B3GALT1: variants seen among roughly 807,000 people sequenced by gnomAD.
The protein encoded by B3GALT1 is beta-1,3-galactosyltransferase 1, also known as UDP-Gal:betaGlcNAc beta 1,3-galactosyltransferase, polypeptide 1.
Under a neutral mutation model 23.2 loss-of-function variants are expected in B3GALT1, and 10 were observed. The observed-to-expected ratio is 0.43, with a 90% CI of 0.27 to 0.73. The LOEUF (loss-of-function observed/expected upper bound fraction) is 0.73, where lower values mean the gene tolerates loss of function less well. B3GALT1 is among the 30% of genes least tolerant of loss of function. The probability of loss-of-function intolerance (pLI) is 0.21; values close to 1 mark genes in which losing one functional copy is unlikely to be tolerated. For synonymous variants in B3GALT1, 156 were observed against 141.5 expected, an observed-to-expected ratio of 1.10 and a Z score of -0.73; for missense variants, 299 against 405.4, an observed-to-expected ratio of 0.74 and a Z score of 2.25.
intron 1 of B3GALT1, among the ~76,000 whole-genome samples, chr2:167,378,550 TG>T (rs1271571750): frequency 3.9e-5 from 6 of 152,132 alleles, no homozygotes; most frequent in African/African-American, 1.4e-4. Flanking sequence ...TTTGTCTGAC[TG>T]GGTTTATTCA....
At chr2:167,639,401 C>T (rs1223032616) in intron 2 of B3GALT1, among the ~76,000 whole-genome samples, 2 of 151,918 alleles carry the variant, frequency 1.3e-5, no homozygotes, top group East Asian at 3.9e-4. Flanking sequence ...AATGTTGAAG[C>T]TTACAGAAGT....
chr2:167,489,784 G>A (rs766569707), intron 1 of B3GALT1, among the ~76,000 whole-genome samples: 6 of 152,156 alleles, frequency 3.9e-5, no homozygotes, highest in Non-Finnish European at 8.8e-5. Flanking sequence ...CCACAGACAA[G>A]ACTGTTTAGA....
chr2:167,552,044 C>G (rs1386871535), intron 2 of B3GALT1, among the ~76,000 whole-genome samples: 1 of 152,146 alleles, frequency 6.6e-6, no homozygotes, highest in Non-Finnish European at 1.5e-5. Context: ...TTTCTTAGAG[C>G]TTTATTCTCA....
Position 167,783,752 on chromosome 2 carries a change from T to TA in B3GALT1, c.-351-34918dup, listed in dbSNP as rs565435987. ...CAAAGAGACAGTGTGCCCCTCTAGC[T>TA]AATCTCGGTTTCAAATGCCAAGTCC... On this transcript the variant is annotated intron_variant, in intron 3 of 4. Transcript: ENST00000392690. Among the ~76,000 whole-genome samples, 33 of 152,260 alleles carry TA rather than the reference T, an allele frequency of 2.2e-4. No individual in the cohort carries two copies. The South Asian group carries it at 6.8e-3, about 32-fold the overall frequency.
intron 2 of B3GALT1, among the ~76,000 whole-genome samples, chr2:167,573,709 A>G (rs1027309887): frequency 4.0e-5 from 6 of 151,696 alleles, no homozygotes; most frequent in Non-Finnish European, 5.9e-5. Flanking sequence ...TTTTCACTTA[A>G]TGTATAGATT....
At chr2:167,440,646 T>G (rs1260366560) in intron 1 of B3GALT1, among the ~76,000 whole-genome samples, 1 of 151,888 alleles carries the variant, frequency 6.6e-6, no homozygotes, top group East Asian at 1.9e-4. Flanking sequence ...TGTCCAAGTG[T>G]TTTTTTTAAT....
chr2:167,347,761 T>C (rs983310803), intron 1 of B3GALT1, among the ~76,000 whole-genome samples: 2 of 152,156 alleles, frequency 1.3e-5, no homozygotes, highest in Non-Finnish European at 2.9e-5. Flanking sequence ...TTGCTTTTCC[T>C]TATGGAAATT....
chr2:167,379,970 A>G (rs980462699), intron 1 of B3GALT1, among the ~76,000 whole-genome samples: 1 of 152,204 alleles, frequency 6.6e-6, no homozygotes, highest in African/African-American at 2.4e-5. Flanking sequence ...CTGCTTAGGA[A>G]GAGTGTGGTG....
chr2:167,452,507 C>T (rs898872936), intron 1 of B3GALT1, among the ~76,000 whole-genome samples: 14 of 152,296 alleles, frequency 9.2e-5, no homozygotes, highest in Middle Eastern at 3.4e-3. Flanking sequence ...GACAGATGAT[C>T]CCTTTTTCAC....
chr2:167,436,721 G>A (rs573682453), intron 1 of B3GALT1, among the ~76,000 whole-genome samples: 1 of 151,986 alleles, frequency 6.6e-6, no homozygotes, highest in Admixed American at 6.6e-5. Context: ...ACAAGATACG[G>A]TGTGGGCTTC....
intron 2 of B3GALT1, among the ~76,000 whole-genome samples, chr2:167,549,546 A>G (rs1285680911): frequency 1.3e-5 from 2 of 152,166 alleles, no homozygotes; most frequent in African/African-American, 2.4e-5. Flanking sequence ...CCTATGTTCA[A>G]TTCTTACCTA....
At chr2:167,553,462 C>G (rs1178961752) in intron 2 of B3GALT1, among the ~76,000 whole-genome samples, 1 of 151,974 alleles carries the variant, frequency 6.6e-6, no homozygotes, top group African/African-American at 2.4e-5. Context: ...TGGCAGATCT[C>G]GATTTATGGG....
Position 167,871,878 on chromosome 2 carries a change from T to TTTTA in B3GALT1, c.*1867_*1870dup, listed in dbSNP as rs1334646968. 6.6e-6 allele frequency: 1 copy of TTTTA among 151,014 alleles called. No homozygotes were observed. Among genetic ancestry groups the TTTTA allele is most frequent in the East Asian group, 1.9e-4 (1 of 5,162 alleles). The allele number at this position is 151,014 out of a possible 1,614,324, so 9.4% of individuals were successfully genotyped here. ...CCCCACAGCTGAAAGAGTGTACCTT[T>TTTTA]TTTATTTATTTACTTTTTTTTTTTT... On this transcript the variant is annotated 3_prime_UTR_variant, in exon 5 of 5. Coordinates refer to ENST00000392690, the MANE Select transcript of B3GALT1 (RefSeq NM_020981.4).
chr2:167,588,550 A>T (rs1684617974), intron 2 of B3GALT1, among the ~76,000 whole-genome samples: 1 of 151,972 alleles, frequency 6.6e-6, no homozygotes, highest in Admixed American at 6.6e-5. Flanking sequence ...AACAATGGTT[A>T]TTATTTTTCT....
intron 2 of B3GALT1, among the ~76,000 whole-genome samples, chr2:167,536,331 G>A (rs545843062): frequency 7.3e-4 from 111 of 152,108 alleles, no homozygotes; most frequent in African/African-American, 2.6e-3. Context: ...AGGGAGGGAG[G>A]GAAGAGGGAA....
In B3GALT1 at chr2:167,394,838, G is replaced by C. The variant is rs113667452; in HGVS notation, c.-510-95339G>C. ...GTCCAGTTGGAAGTGAAATTACTTA[G>C]AGCCAGGGATTCCTTTTTTCTTTCT... On this transcript the variant is annotated intron_variant, in intron 1 of 4. Transcript: ENST00000392690. 6.0e-3 allele frequency among the ~76,000 whole-genome samples: 915 copies of C among 152,244 alleles called. 9 individuals are homozygous for C. Among genetic ancestry groups the C allele is most frequent in the African/African-American group, 0.021 (875 of 41,560 alleles).
intron 1 of B3GALT1, among the ~76,000 whole-genome samples, chr2:167,466,617 CAAA>C (rs1175269957): frequency 7.6e-5 from 4 of 52,404 alleles, no homozygotes; most frequent in Admixed American, 4.5e-4. Context: ...AAGACTCTGT[CAAA>C]AAAAAAAAAA....
chr2:167,679,684 A>G (rs1352636795), intron 3 of B3GALT1, among the ~76,000 whole-genome samples: 1 of 152,222 alleles, frequency 6.6e-6, no homozygotes, highest in Non-Finnish European at 1.5e-5. Flanking sequence ...TCTTTTACTA[A>G]CTGAATGACA....
rs1000976597 is a variant in B3GALT1, at chr2:167,434,978, C to T, written c.-510-55199C>T. On this transcript the variant is annotated intron_variant, in intron 1 of 4. Coordinates refer to ENST00000392690, the MANE Select transcript of B3GALT1 (RefSeq NM_020981.4). ...AGTTTTAAAATTATAATGTAACTTA[C>T]AAAGTAGAATGAAAATACTGGGGCT... Among the ~76,000 whole-genome samples, 3 of 151,854 alleles carry T rather than the reference C, an allele frequency of 2.0e-5. No homozygotes were observed. In the East Asian group the frequency reaches 5.8e-4, roughly 29 times the overall value.
Sources: allele counts gnomAD v4.1 joint callset (sites outside exome capture counted in the v4.1 genomes callset), GRCh38; gene constraint gnomAD v4.1.1; transcripts MANE v1.5; gene names NCBI Gene and HGNC (gene_info 2026-07-23, HGNC 2026-07-21).